THSD7B: variants seen among roughly 807,000 people sequenced by gnomAD.
The protein encoded by THSD7B is thrombospondin type 1 domain containing 7B, also known as thrombospondin type-1 domain-containing protein 7B.
In THSD7B, 138 loss-of-function variants were observed where a neutral mutation model predicts 213.6. The ratio of observed to expected loss-of-function variants is 0.65; its 90% CI spans 0.56 to 0.74. THSD7B has a LOEUF of 0.74. Ranked by LOEUF, THSD7B falls within the 30% of genes least tolerant of loss-of-function variation. The pLI, the probability that THSD7B is intolerant of heterozygous loss-of-function variation, is 0.00. For synonymous variants in THSD7B, 742 were observed against 687.0 expected (o/e 1.08, Z -1.25); for missense variants, 1,931 against 1,991.5 (o/e 0.97, Z 0.58).
intron 12 of THSD7B, among the ~76,000 whole-genome samples, chr2:137,358,171 T>G (rs1685175653): frequency 1.3e-5 from 2 of 152,208 alleles, no homozygotes; most frequent in African/African-American, 4.8e-5. Context: ...GGTGGAAGAC[T>G]AGTCAGTTTT....
Position 137,617,878 on chromosome 2 carries a change from G to A in THSD7B, c.3566-514G>A, listed in dbSNP as rs975364821. Reference sequence around the variant, plus strand: ...GCTCCCTTAGGCCTCCTTTATAAAGGTACTAATTTCATTCATGAGAGCTCA... The same window carrying A: ...GCTCCCTTAGGCCTCCTTTATAAAGATACTAATTTCATTCATGAGAGCTCA... On this transcript the variant is annotated intron_variant, in intron 18 of 27. Transcript: ENST00000409968. Among the ~76,000 whole-genome samples, 25 of 151,946 alleles carry A rather than the reference G, an allele frequency of 1.6e-4. 1 individual carries two copies. The highest frequency in any genetic ancestry group is 5.9e-5 in the Non-Finnish European group (4 of 68,008).
intron 2 of THSD7B, among the ~76,000 whole-genome samples, chr2:137,022,208 G>C (rs1686457452): frequency 6.6e-6 from 1 of 152,156 alleles, no homozygotes; most frequent in Non-Finnish European, 1.5e-5. Context: ...AAATGCCCAA[G>C]GGTGCAATTA....
At chr2:136,873,415 A>G (rs1683474601) in intron 1 of THSD7B, among the ~76,000 whole-genome samples, 1 of 152,180 alleles carries the variant, frequency 6.6e-6, no homozygotes, top group Admixed American at 6.5e-5. Context: ...TGGTGGTTCA[A>G]AGGCCTGAAC....
chr2:137,430,980 G>A (rs1259805356), intron 14 of THSD7B, among the ~76,000 whole-genome samples: 2 of 152,168 alleles, frequency 1.3e-5, no homozygotes, highest in Admixed American at 1.3e-4. Flanking sequence ...GGACTGAGCA[G>A]AACAATTATT....
chr2:136,975,438 A>AG (rs1471053556), intron 2 of THSD7B, among the ~76,000 whole-genome samples: 3 of 152,198 alleles, frequency 2.0e-5, no homozygotes, highest in Non-Finnish European at 4.4e-5. Context: ...TTTATTGAAT[A>AG]GGGGATGCTT....
chr2:137,094,472 G>T (rs1688002884), intron 3 of THSD7B, among the ~76,000 whole-genome samples: 1 of 152,096 alleles, frequency 6.6e-6, no homozygotes, highest in South Asian at 2.1e-4. Context: ...TTGGGAAGAG[G>T]CTGAGGCAGG....
chr2:137,017,459 G>A lies in THSD7B; in HGVS notation c.140-38961G>A, dbSNP rs548766235. ...GCAGAGGAGAAGATGGCTCAAGTGA[G>A]GTTGAAAGAGGGCGGAGCTTGGGAG... On this transcript the variant is annotated intron_variant, in intron 2 of 27. Transcript: ENST00000409968. 6.6e-5 allele frequency among the ~76,000 whole-genome samples: 10 copies of A among 152,232 alleles called. No individual in the cohort carries two copies. In the South Asian group the frequency reaches 2.1e-3, roughly 32 times the overall value.
chr2:137,541,481 A>G (rs1469671511), intron 15 of THSD7B, among the ~76,000 whole-genome samples: 1 of 151,686 alleles, frequency 6.6e-6, no homozygotes, highest in Non-Finnish European at 1.5e-5. Context: ...GATACATGTA[A>G]TGTATAGTGA....
At chr2:137,590,830 A>AATACCATC (rs2104813295) in intron 17 of THSD7B, among the ~76,000 whole-genome samples, 1 of 109,818 alleles carries the variant, frequency 9.1e-6, no homozygotes, top group African/African-American at 3.2e-5. Context: ...GGAGGTACAT[A>AATACCATC]ATACCTGATG....
intron 14 of THSD7B, among the ~76,000 whole-genome samples, chr2:137,445,264 A>G (rs1193151866): frequency 6.6e-6 from 1 of 151,998 alleles, no homozygotes; most frequent in Non-Finnish European, 1.5e-5. Context: ...TGGGTATGTA[A>G]CCAAAAGAAA....
At chr2:137,412,744 T>G (rs1044966417) in intron 14 of THSD7B, among the ~76,000 whole-genome samples, 15 of 151,960 alleles carry the variant, frequency 9.9e-5, no homozygotes, top group South Asian at 4.2e-4. Context: ...AATACTGTTT[T>G]TGAACCTTAA....
At chr2:137,148,080 C>T (rs897665706) in intron 5 of THSD7B, among the ~76,000 whole-genome samples, 5 of 151,948 alleles carry the variant, frequency 3.3e-5, no homozygotes, top group Non-Finnish European at 7.4e-5. Flanking sequence ...ATGGGAAGGA[C>T]CTGGTAGCAG....
intron 2 of THSD7B, among the ~76,000 whole-genome samples, chr2:136,947,157 G>A (rs12469179): frequency 0.16 from 24,410 of 152,124 alleles, 2,464 homozygotes; most frequent in East Asian, 0.44. Flanking sequence ...ATTGTATGTC[G>A]CTAAGAGAAA....
chr2:137,329,292 A>G (rs1428777341), intron 12 of THSD7B, among the ~76,000 whole-genome samples: 1 of 152,226 alleles, frequency 6.6e-6, no homozygotes, highest in Non-Finnish European at 1.5e-5. Context: ...GACTGACAGC[A>G]TATTGTCCCT....
chr2:137,489,250 C>A (rs1688551208), intron 15 of THSD7B, among the ~76,000 whole-genome samples: 1 of 151,750 alleles, frequency 6.6e-6, no homozygotes, highest in Non-Finnish European at 1.5e-5. Flanking sequence ...CATGGTGAAA[C>A]CCCATCTCTA....
intron 10 of THSD7B, among the ~76,000 whole-genome samples, chr2:137,266,005 T>A (rs1682580902): frequency 6.6e-6 from 1 of 152,218 alleles, no homozygotes; most frequent in Non-Finnish European, 1.5e-5. Context: ...TTTAAGCCAT[T>A]CATTGTCTGC....
intron 3 of THSD7B, among the ~76,000 whole-genome samples, chr2:137,091,862 C>G (rs1418095927): frequency 1.3e-5 from 2 of 152,092 alleles, no homozygotes; most frequent in Admixed American, 6.6e-5. Context: ...TCTGAAAAGT[C>G]AAAACATGGA....
At chr2:136,802,078 ATTGTAAG>A (rs1296341269) in intron 1 of THSD7B, among the ~76,000 whole-genome samples, 2 of 152,052 alleles carry the variant, frequency 1.3e-5, no homozygotes, top group African/African-American at 4.8e-5. Context: ...TCCCTGAATC[ATTGTAAG>A]TTGGATAGGG....
chr2:137,278,464 A>G (rs762546695), intron 12 of THSD7B, among the ~76,000 whole-genome samples: 1 of 152,184 alleles, frequency 6.6e-6, no homozygotes, highest in Admixed American at 6.6e-5. Context: ...TTAGGATAAC[A>G]TGAAATGTTT....
Sources: gnomAD v4.1 joint callset for allele counts (sites outside exome capture counted in the v4.1 genomes callset) on GRCh38, gnomAD v4.1.1 for gene constraint, MANE v1.5 for transcripts, NCBI Gene and HGNC (gene_info 2026-07-23, HGNC 2026-07-21) for gene names.